The following CNGB3 variants were observed in gnomAD, a reference collection of about 807,000 sequenced individuals.
The protein encoded by CNGB3 is cyclic nucleotide-gated channel beta-3.
Under a neutral mutation model 92.8 loss-of-function variants are expected in CNGB3, and 86 were observed. The ratio of observed to expected loss-of-function variants is 0.93; its 90% CI spans 0.78 to 1.11. The LOEUF (loss-of-function observed/expected upper bound fraction) is 1.11, where lower values mean the gene tolerates loss of function less well. Among genes scored for constraint, CNGB3 ranks in the 50% least tolerant of loss-of-function variants. CNGB3 has a pLI of 0.00. For synonymous variants in CNGB3, 333 were observed against 332.7 expected (o/e 1.00, Z -0.01); for missense variants, 1,026 against 956.8 (o/e 1.07, Z -0.95).
intron 6 of CNGB3, chr8:86,658,289 C>T (rs565926231): frequency 2.0e-5 from 10 of 512,240 alleles, no homozygotes; most frequent in Non-Finnish European, 2.9e-5. Flanking sequence ...CCACCATGGC[C>T]TCCCGACTCT....
chr8:86,636,519 G>A (rs1003333217), intron 10 of CNGB3, among the ~76,000 whole-genome samples: 5 of 136,566 alleles, frequency 3.7e-5, no homozygotes, highest in Non-Finnish European at 6.1e-5. Flanking sequence ...GTTACAGTGA[G>A]CTGAGATGGT....
intron 13 of CNGB3, among the ~76,000 whole-genome samples, chr8:86,621,523 A>G (rs923386488): frequency 3.9e-5 from 6 of 152,086 alleles, no homozygotes; most frequent in Non-Finnish European, 5.9e-5. Context: ...TTTTGGTTAC[A>G]CAGATACGTT....
At chr8:86,639,927 T>G (rs1823147994) in intron 10 of CNGB3, among the ~76,000 whole-genome samples, 1 of 152,048 alleles carries the variant, frequency 6.6e-6, no homozygotes, top group Admixed American at 6.6e-5. Flanking sequence ...GTGAGTTGTA[T>G]GATAACAAGG....
At chr8:86,721,581 T>C (rs1586036456) in intron 3 of CNGB3, among the ~76,000 whole-genome samples, 1 of 152,106 alleles carries the variant, frequency 6.6e-6, no homozygotes, top group East Asian at 1.9e-4. Flanking sequence ...GATTTGATGA[T>C]CTGTTGTTTA....
At chr8:86,722,690 C>T (rs2131668547) in intron 3 of CNGB3, among the ~76,000 whole-genome samples, 1 of 152,240 alleles carries the variant, frequency 6.6e-6, no homozygotes, top group Non-Finnish European at 1.5e-5. Flanking sequence ...CTACATAGAG[C>T]AAAGAAGCTG....
intron 3 of CNGB3, among the ~76,000 whole-genome samples, chr8:86,697,182 T>C (rs908275785): frequency 6.6e-6 from 1 of 152,200 alleles, no homozygotes; most frequent in African/African-American, 2.4e-5. Context: ...GGAAGTAAGA[T>C]TGCTTGAGGC....
chr8:86,591,074 C>G (rs576207310), intron 15 of CNGB3, among the ~76,000 whole-genome samples: 1 of 152,150 alleles, frequency 6.6e-6, no homozygotes, highest in South Asian at 2.1e-4. Flanking sequence ...TTCCTTCTTG[C>G]TTCATTTCAT....
intron 2 of CNGB3, among the ~76,000 whole-genome samples, chr8:86,735,042 G>GTTTTTTTT (rs60107723): frequency 1.6e-4 from 14 of 85,872 alleles, no homozygotes; most frequent in East Asian, 3.8e-4. Flanking sequence ...AATGCCGGTG[G>GTTTTTTTT]TTTTTTTTTT....
chr8:86,611,071 G>T (rs754658750), intron 14 of CNGB3, among the ~76,000 whole-genome samples: 7 of 152,036 alleles, frequency 4.6e-5, no homozygotes, highest in South Asian at 2.1e-4. Flanking sequence ...ATGAAGAGTG[G>T]TTATTATTGG....
intron 14 of CNGB3, among the ~76,000 whole-genome samples, chr8:86,606,586 A>G (rs1340511779): frequency 2.0e-5 from 3 of 152,240 alleles, no homozygotes; most frequent in Non-Finnish European, 1.5e-5. Context: ...ACTTTAAAAA[A>G]TCATTACATT....
intron 15 of CNGB3, among the ~76,000 whole-genome samples, chr8:86,585,864 A>G (rs2131540458): frequency 6.6e-6 from 1 of 152,356 alleles, no homozygotes; most frequent in East Asian, 1.9e-4. Flanking sequence ...CAGTAAGAGT[A>G]AGTTTATGGA....
intron 3 of CNGB3, among the ~76,000 whole-genome samples, chr8:86,710,408 G>A (rs766525776): frequency 6.6e-6 from 1 of 151,046 alleles, no homozygotes; most frequent in African/African-American, 2.4e-5. Context: ...CTCTCACCTT[G>A]TTCTTGTCTC....
At chr8:86,624,405 C>T (rs975701845) in intron 13 of CNGB3, among the ~76,000 whole-genome samples, 2 of 152,114 alleles carry the variant, frequency 1.3e-5, no homozygotes, top group African/African-American at 4.8e-5. Context: ...GACAACAGAG[C>T]AAGACTCTGT....
At chr8:86,648,109 T>C (rs2131597687) in intron 7 of CNGB3, among the ~76,000 whole-genome samples, 1 of 151,300 alleles carries the variant, frequency 6.6e-6, no homozygotes, top group Non-Finnish European at 1.5e-5. Flanking sequence ...TCCACCTCCA[T>C]GCATCTGATC....
At chr8:86,682,943 C>G (rs1485556101) in intron 3 of CNGB3, among the ~76,000 whole-genome samples, 1 of 152,028 alleles carries the variant, frequency 6.6e-6, no homozygotes, top group Non-Finnish European at 1.5e-5. Flanking sequence ...CTGTTAGAGC[C>G]CTGGAGCACC....
At chr8:86,660,642 T>C in intron 6 of CNGB3, 1 of 533,726 alleles carries the variant, frequency 1.9e-6, no homozygotes, top group Non-Finnish European at 3.8e-6. Context: ...ATGGCATTTA[T>C]TTGCATAATG....
In CNGB3 at chr8:86,671,024, CT is replaced by C. The variant is rs1057516791; in HGVS notation, c.412del (p.Arg138GlufsTer14). 9 of 1,613,846 alleles carry C rather than the reference CT, an allele frequency of 5.6e-6. No homozygotes were observed. The highest frequency in any genetic ancestry group is 7.6e-6 in the Non-Finnish European group (9 of 1,180,030). Reference sequence around the variant, plus strand: ...GTAGAGGGCTGTTCTTTGACGCATTCTTTTCACCAGGTTGTGTAGCTGGGCA... The same window carrying C: ...GTAGAGGGCTGTTCTTTGACGCATTCTTTCACCAGGTTGTGTAGCTGGGCA... The part of the protein sequence containing the change: ...ADAQLHNLVK[R>X]MRQRTALYKK... On this transcript the variant is annotated frameshift_variant, in exon 4 of 18. Transcript: ENST00000320005. LOFTEE classifies it high-confidence loss of function.
At chr8:86,644,843 C>A (rs1426359849) in intron 8 of CNGB3, among the ~76,000 whole-genome samples, 157 bp from the exon 9 acceptor site, 1 of 150,928 alleles carries the variant, frequency 6.6e-6, no homozygotes, top group Non-Finnish European at 1.5e-5. Context: ...TTCCTCTGGA[C>A]AGTACATTTT....
chr8:86,593,359 C>T (rs1822089541), intron 15 of CNGB3, among the ~76,000 whole-genome samples: 1 of 152,154 alleles, frequency 6.6e-6, no homozygotes, highest in Non-Finnish European at 1.5e-5. Context: ...GGTACTTTGG[C>T]TGGAAAATAC....
Sources: gnomAD v4.1 joint callset for allele counts (sites outside exome capture counted in the v4.1 genomes callset) on GRCh38, gnomAD v4.1.1 for gene constraint, MANE v1.5 for transcripts, NCBI Gene and HGNC (gene_info 2026-07-23, HGNC 2026-07-21) for gene names.